Variants in GSG1L observed in about 807,000 individuals in gnomAD.
GSG1L encodes the protein germ cell-specific gene 1-like protein.
GSG1L carries 24 observed loss-of-function variants against 42.1 expected under a neutral mutation model. The observed-to-expected ratio is 0.57, with a 90% CI of 0.41 to 0.80. The LOEUF (loss-of-function observed/expected upper bound fraction) is 0.80, where lower values mean the gene tolerates loss of function less well. GSG1L is among the 30% of genes least tolerant of loss of function. The pLI is 0.00. For missense variants in GSG1L, 445 were observed against 472.2 expected, an observed-to-expected ratio of 0.94 and a Z score of 0.53; for synonymous variants, 215 against 203.5, an observed-to-expected ratio of 1.06 and a Z score of -0.48.
At chr16:27,861,694 T>G (rs766961122) in intron 3 of GSG1L, among the ~76,000 whole-genome samples, 12 of 152,166 alleles carry the variant, frequency 7.9e-5, no homozygotes, top group Non-Finnish European at 1.3e-4. Context: ...CTCTCTGGCC[T>G]CCTTCTTGTC....
At chr16:28,061,614 G>C (rs2086342639) in intron 1 of GSG1L, among the ~76,000 whole-genome samples, 1 of 152,224 alleles carries the variant, frequency 6.6e-6, no homozygotes, top group Non-Finnish European at 1.5e-5. Flanking sequence ...CAGTGAACAA[G>C]ACCAACCGGG....
chr16:27,957,343 C>T (rs2085018112), intron 2 of GSG1L, among the ~76,000 whole-genome samples: 1 of 152,026 alleles, frequency 6.6e-6, no homozygotes, highest in Non-Finnish European at 1.5e-5. Flanking sequence ...CAAGACTCCA[C>T]CAAAAAATAA....
At chr16:28,003,390 C>T (rs2085600753) in intron 1 of GSG1L, among the ~76,000 whole-genome samples, 1 of 152,196 alleles carries the variant, frequency 6.6e-6, no homozygotes, top group South Asian at 2.1e-4. Context: ...GCTGTCTCAG[C>T]CCCTCTCTGC....
intron 2 of GSG1L, among the ~76,000 whole-genome samples, chr16:27,893,326 G>A (rs1049506055): frequency 6.6e-6 from 1 of 152,154 alleles, no homozygotes; most frequent in Admixed American, 6.5e-5. Flanking sequence ...CTTGCTGAGA[G>A]AGCTTCCAGG....
intron 1 of GSG1L, among the ~76,000 whole-genome samples, chr16:28,008,078 TTTTG>T (rs1019745928): frequency 6.6e-6 from 1 of 151,842 alleles, no homozygotes; most frequent in African/African-American, 2.4e-5. Flanking sequence ...ACTGTATGGT[TTTTG>T]TTTGTTTTTG....
At chr16:27,972,930 C>A (rs1265349200) in intron 1 of GSG1L, among the ~76,000 whole-genome samples, 1 of 152,190 alleles carries the variant, frequency 6.6e-6, no homozygotes, top group African/African-American at 2.4e-5. Context: ...CCGGCCGATC[C>A]TTCAGGGAAG....
At chr16:27,971,108 A>T (rs1461938482) in intron 1 of GSG1L, among the ~76,000 whole-genome samples, 1 of 152,188 alleles carries the variant, frequency 6.6e-6, no homozygotes, top group Non-Finnish European at 1.5e-5. Flanking sequence ...CATTTTAAAG[A>T]TCATTTTGTC....
intron 1 of GSG1L, among the ~76,000 whole-genome samples, chr16:27,971,099 A>G (rs967351237): frequency 6.6e-6 from 1 of 152,144 alleles, no homozygotes; most frequent in African/African-American, 2.4e-5. Flanking sequence ...TTTGGCCTTC[A>G]TTTTAAAGAT....
At chr16:27,960,390 T>A (rs370444071) in intron 2 of GSG1L, among the ~76,000 whole-genome samples, 4 of 152,144 alleles carry the variant, frequency 2.6e-5, no homozygotes, top group East Asian at 1.9e-4. Flanking sequence ...TGGCACACAG[T>A]AACTACCGTA....
intron 1 of GSG1L, among the ~76,000 whole-genome samples, chr16:28,016,809 G>A (rs141329308): frequency 3.9e-5 from 6 of 152,286 alleles, no homozygotes; most frequent in South Asian, 2.1e-4. Context: ...GGAGATTGAC[G>A]CTCAGAGAGG....
chr16:27,874,383 A>G lies in GSG1L; in HGVS notation c.550+10103T>C, dbSNP rs1041855693. On this transcript the variant is annotated intron_variant, in intron 3 of 6. Transcript: ENST00000447459. ...ATCGACATGGCCAATGATTCCATCA[A>G]TCGTGCCTATGTCATAAAATCCCAA... Among the ~76,000 whole-genome samples the G allele has an allele frequency of 2.0e-5, 3 of 147,824 alleles. No individual in the cohort carries two copies. The East Asian group carries it at 6.2e-4, about 30-fold the overall frequency.
chr16:27,856,617 C>T (rs778506989), intron 3 of GSG1L, among the ~76,000 whole-genome samples: 8 of 152,348 alleles, frequency 5.3e-5, no homozygotes, highest in Non-Finnish European at 8.8e-5. Flanking sequence ...CGGCTCCTCA[C>T]GAACATTTTT....
intron 5 of GSG1L, among the ~76,000 whole-genome samples, chr16:27,822,667 C>T (rs773616681): frequency 3.9e-5 from 6 of 152,116 alleles, no homozygotes; most frequent in African/African-American, 1.2e-4. Flanking sequence ...GATCTGCCTG[C>T]ATCAGCCTCC....
intron 1 of GSG1L, among the ~76,000 whole-genome samples, chr16:27,989,083 AAAAG>A (rs1363754649): frequency 1.3e-5 from 2 of 151,742 alleles, no homozygotes; most frequent in Non-Finnish European, 2.9e-5. Context: ...GAAAAAAAGA[AAAAG>A]AAAGAAAAAA....
chr16:27,815,295 A>C (rs1010425423), intron 5 of GSG1L, among the ~76,000 whole-genome samples: 2 of 152,154 alleles, frequency 1.3e-5, no homozygotes, highest in Non-Finnish European at 2.9e-5. Flanking sequence ...GGTTGTTTAA[A>C]GGAGCCTGGC....
intron 1 of GSG1L, among the ~76,000 whole-genome samples, chr16:28,018,999 A>G (rs1242349832): frequency 6.6e-6 from 1 of 152,134 alleles, no homozygotes; most frequent in Non-Finnish European, 1.5e-5. Flanking sequence ...CTGGTGTGAA[A>G]TGGGCCCTTC....
intron 2 of GSG1L, among the ~76,000 whole-genome samples, chr16:27,913,336 G>A (rs1321867172): frequency 6.6e-6 from 1 of 152,188 alleles, no homozygotes; most frequent in Non-Finnish European, 1.5e-5. Context: ...GGTTGCCTTT[G>A]AGGGAGGGGC....
intron 1 of GSG1L, among the ~76,000 whole-genome samples, chr16:28,029,498 T>C (rs1264671237): frequency 1.3e-5 from 2 of 152,134 alleles, no homozygotes; most frequent in Non-Finnish European, 2.9e-5. Context: ...GAAAAATGGA[T>C]GGCTGAATGT....
At chr16:27,942,781 TAGAG>T (rs1364167504) in intron 2 of GSG1L, among the ~76,000 whole-genome samples, 1 of 152,140 alleles carries the variant, frequency 6.6e-6, no homozygotes, top group Non-Finnish European at 1.5e-5. Context: ...TTGTCAAGGA[TAGAG>T]AGATGGGAAT....
Sources: gnomAD v4.1 joint callset for allele counts (sites outside exome capture counted in the v4.1 genomes callset) on GRCh38, gnomAD v4.1.1 for gene constraint, MANE v1.5 for transcripts, NCBI Gene and HGNC (gene_info 2026-07-23, HGNC 2026-07-21) for gene names.